Variants in LMBRD1 observed in about 807,000 individuals in gnomAD.
The protein encoded by LMBRD1 is lysosomal cobalamin transport escort protein LMBD1.
In LMBRD1, 64 loss-of-function variants were observed where a neutral mutation model predicts 74.8. The ratio of observed to expected loss-of-function variants is 0.86; its 90% CI spans 0.70 to 1.05. The LOEUF (loss-of-function observed/expected upper bound fraction) is 1.05. LMBRD1 is among the 50% of genes least tolerant of loss of function. The pLI, the probability that LMBRD1 is intolerant of heterozygous loss-of-function variation, is 0.00. For synonymous variants in LMBRD1, 204 were observed against 216.3 expected, an observed-to-expected ratio of 0.94 and a Z score of 0.50; for missense variants, 652 against 645.9, an observed-to-expected ratio of 1.01 and a Z score of -0.10.
intron 9 of LMBRD1, among the ~76,000 whole-genome samples, chr6:69,709,128 GGAGGCT>G (rs574412434): frequency 5.5e-4 from 84 of 152,240 alleles, no homozygotes; most frequent in Non-Finnish European, 1.1e-3. Context: ...CAGCTACTTA[GGAGGCT>G]GAGGCAGGAG....
chr6:69,769,179 T>C (rs1765528626), intron 3 of LMBRD1, among the ~76,000 whole-genome samples: 1 of 152,138 alleles, frequency 6.6e-6, no homozygotes, highest in African/African-American at 2.4e-5. Context: ...CAGATCTCTG[T>C]GGCTCTACTG....
At chr6:69,761,257 T>G (rs1282926383) in intron 3 of LMBRD1, among the ~76,000 whole-genome samples, 1 of 152,166 alleles carries the variant, frequency 6.6e-6, no homozygotes, top group Non-Finnish European at 1.5e-5. Flanking sequence ...ATGGATATTT[T>G]TGGTTATTTC....
intron 2 of LMBRD1, among the ~76,000 whole-genome samples, chr6:69,786,447 T>C (rs1402905925): frequency 3.3e-5 from 5 of 151,898 alleles, no homozygotes; most frequent in Admixed American, 1.3e-4. Flanking sequence ...TTACATGTTG[T>C]GTAAAAGAAA....
chr6:69,721,594 T>A (rs532491847), intron 7 of LMBRD1, among the ~76,000 whole-genome samples: 1 of 152,178 alleles, frequency 6.6e-6, no homozygotes, highest in South Asian at 2.1e-4. Flanking sequence ...ATTGTGGGCC[T>A]TGGACTCTGG....
chr6:69,782,823 G>C (rs1765868257), intron 2 of LMBRD1, among the ~76,000 whole-genome samples: 2 of 152,078 alleles, frequency 1.3e-5, no homozygotes, highest in South Asian at 4.1e-4. Context: ...CCCTTGTCAG[G>C]GTAAATTAGA....
chr6:69,761,576 T>C (rs7740306), intron 3 of LMBRD1, among the ~76,000 whole-genome samples: 17,077 of 152,150 alleles, frequency 0.11, 2,687 homozygotes, highest in African/African-American at 0.35. Context: ...CTCCATAATA[T>C]ACACAGAACT....
chr6:69,691,324 G>C (rs1765874125), intron 14 of LMBRD1, among the ~76,000 whole-genome samples: 1 of 150,500 alleles, frequency 6.6e-6, no homozygotes, highest in South Asian at 2.1e-4. Flanking sequence ...TGGTACCCTA[G>C]TTTCTCCATC....
chr6:69,725,928 A>C (rs1472404179), intron 7 of LMBRD1, among the ~76,000 whole-genome samples: 2 of 152,182 alleles, frequency 1.3e-5, no homozygotes, highest in Non-Finnish European at 2.9e-5. Context: ...TAAAGGGAAC[A>C]GTCAACACAA....
chr6:69,794,132 CA>C (rs1227858525), intron 1 of LMBRD1, among the ~76,000 whole-genome samples: 10 of 152,300 alleles, frequency 6.6e-5, no homozygotes, highest in African/African-American at 2.4e-4. Context: ...AAACTATTCT[CA>C]TAATAAATAC....
intron 14 of LMBRD1, among the ~76,000 whole-genome samples, chr6:69,678,822 T>C (rs1017820251): frequency 2.6e-5 from 4 of 152,114 alleles, no homozygotes; most frequent in African/African-American, 9.7e-5. Flanking sequence ...ATAAGGGATC[T>C]AATAACACTT....
Position 69,796,809 on chromosome 6 carries a change from CTACCAG to C in LMBRD1, c.67_69+3del. 6.2e-7 allele frequency: 1 copy of C among 1,613,528 alleles called. No individual in the cohort carries two copies. Among genetic ancestry groups the C allele is most frequent in the Non-Finnish European group, 8.5e-7 (1 of 1,179,708 alleles). On this transcript the variant is annotated splice_donor_variant and splice_donor_region_variant and coding_sequence_variant and intron_variant, in exon 1 of 16. Coordinates refer to ENST00000649934, the MANE Select transcript of LMBRD1 (RefSeq NM_018368.4). LOFTEE classifies it high-confidence loss of function. ...ATGGGGAAAACTCCAAGCGCCTCCCCTACCAGTAGTAAGAGGCCGAATATGCACCAG... is the reference window on the plus strand; with the variant it reads ...ATGGGGAAAACTCCAAGCGCCTCCCCTAGTAAGAGGCCGAATATGCACCAG...
At chr6:69,709,743 A>G (rs758108264) in intron 9 of LMBRD1, among the ~76,000 whole-genome samples, 5 of 152,150 alleles carry the variant, frequency 3.3e-5, no homozygotes, top group Non-Finnish European at 5.9e-5. Context: ...ACAAAGACAA[A>G]TTTCTACATA....
At chr6:69,772,763 A>G (rs987731445) in intron 3 of LMBRD1, among the ~76,000 whole-genome samples, 1 of 152,220 alleles carries the variant, frequency 6.6e-6, no homozygotes, top group Non-Finnish European at 1.5e-5. Context: ...TCTTGTCTGG[A>G]AAAGCACTGA....
chr6:69,718,606 G>A (rs766807031), intron 8 of LMBRD1, among the ~76,000 whole-genome samples: 6 of 152,104 alleles, frequency 3.9e-5, no homozygotes, highest in South Asian at 2.1e-4. Flanking sequence ...AAGCAAACAC[G>A]TCCTTCTTCA....
intron 3 of LMBRD1, among the ~76,000 whole-genome samples, chr6:69,767,895 C>T (rs1351887750): frequency 1.3e-5 from 2 of 151,856 alleles, no homozygotes; most frequent in Admixed American, 6.6e-5. Context: ...TTAATAGGTG[C>T]ATACAGAATT....
intron 14 of LMBRD1, among the ~76,000 whole-genome samples, chr6:69,690,847 T>C (rs1765860879): frequency 1.3e-5 from 2 of 152,276 alleles, no homozygotes; most frequent in Non-Finnish European, 2.9e-5. Context: ...CTTAATTCTC[T>C]ACTTCAGTCC....
intron 12 of LMBRD1, 70 bp from the exon 13 acceptor site, chr6:69,699,262 G>C: frequency 7.3e-7 from 1 of 1,363,680 alleles, no homozygotes; most frequent in Non-Finnish European, 1.0e-6. Flanking sequence ...CTTTTCTTGT[G>C]TTATGGGAAA....
At chr6:69,737,517 G>C (rs1226068938) in intron 7 of LMBRD1, among the ~76,000 whole-genome samples, 1 of 151,430 alleles carries the variant, frequency 6.6e-6, no homozygotes, top group East Asian at 1.9e-4. Flanking sequence ...ACCAGTAATA[G>C]ATATGGTCTA....
intron 1 of LMBRD1, among the ~76,000 whole-genome samples, chr6:69,796,522 A>G (rs1766235366): frequency 1.3e-5 from 2 of 152,160 alleles, no homozygotes; most frequent in African/African-American, 2.4e-5. Flanking sequence ...TCCGCCCCCA[A>G]ACCCCACCGG....
Sources: gnomAD v4.1 joint callset for allele counts (sites outside exome capture counted in the v4.1 genomes callset) on GRCh38, gnomAD v4.1.1 for gene constraint, MANE v1.5 for transcripts, NCBI Gene and HGNC (gene_info 2026-07-23, HGNC 2026-07-21) for gene names.